Variants in SYT6 observed in about 807,000 individuals in gnomAD.
SYT6 encodes synaptotagmin 6, also known as synaptotagmin-6.
A neutral mutation model predicts 38.4 loss-of-function variants in SYT6; 24 were observed. The observed-to-expected ratio is 0.62, with a 90% CI of 0.45 to 0.88. The LOEUF is 0.88. SYT6 is among the 40% of genes least tolerant of loss of function. The probability of loss-of-function intolerance (pLI) is 0.00; values close to 1 mark genes in which losing one functional copy is unlikely to be tolerated. For synonymous variants in SYT6, 265 were observed against 241.9 expected, an observed-to-expected ratio of 1.10 and a Z score of -0.89; for missense variants, 611 against 621.0, an observed-to-expected ratio of 0.98 and a Z score of 0.17.
intron 3 of SYT6, among the ~76,000 whole-genome samples, chr1:114,109,730 G>A (rs1676558507): frequency 6.6e-6 from 1 of 152,158 alleles, no homozygotes; most frequent in Non-Finnish European, 1.5e-5. Flanking sequence ...GTACTGTTTG[G>A]TTTGGTCGGT....
At chr1:114,114,898 T>A (rs1676904015) in intron 3 of SYT6, among the ~76,000 whole-genome samples, 1 of 152,264 alleles carries the variant, frequency 6.6e-6, no homozygotes, top group South Asian at 2.1e-4. Flanking sequence ...CGAAGCCATG[T>A]GGGCTGCTGG....
At chr1:114,104,701 TAAC>T (rs368239748) in intron 3 of SYT6, among the ~76,000 whole-genome samples, 193 of 152,296 alleles carry the variant, frequency 1.3e-3, no homozygotes, top group African/African-American at 4.6e-3. Flanking sequence ...TTCAGTCAGT[TAAC>T]AACTATTTAT....
chr1:114,146,931 G>A (rs1195921694), intron 1 of SYT6, among the ~76,000 whole-genome samples: 1 of 152,226 alleles, frequency 6.6e-6, no homozygotes, highest in Non-Finnish European at 1.5e-5. Context: ...TGAGGATAGT[G>A]CCTAAGATGT....
intron 4 of SYT6, among the ~76,000 whole-genome samples, chr1:114,102,020 C>T (rs568077528): frequency 2.0e-4 from 30 of 152,240 alleles, no homozygotes; most frequent in Non-Finnish European, 2.5e-4. Flanking sequence ...TTAGCAAGAA[C>T]AAAATCTCAC....
intron 3 of SYT6, among the ~76,000 whole-genome samples, chr1:114,122,323 T>C (rs1370472085): frequency 6.6e-6 from 1 of 152,186 alleles, no homozygotes; most frequent in Non-Finnish European, 1.5e-5. Context: ...GAAATTCTTT[T>C]CCAAACAGAA....
At chr1:114,098,751 C>T (rs993201115) in intron 5 of SYT6, among the ~76,000 whole-genome samples, 2 of 152,134 alleles carry the variant, frequency 1.3e-5, no homozygotes, top group Non-Finnish European at 2.9e-5. Flanking sequence ...ACAGTAGTAG[C>T]AACAGCAGAA....
intron 1 of SYT6, among the ~76,000 whole-genome samples, chr1:114,145,043 C>T (rs1166361940): frequency 1.3e-5 from 2 of 152,060 alleles, no homozygotes; most frequent in Non-Finnish European, 2.9e-5. Flanking sequence ...TGCCAGACAC[C>T]GGGAAAGCTC....
chr1:114,109,972 A>G (rs1676577274), intron 3 of SYT6, among the ~76,000 whole-genome samples: 3 of 152,228 alleles, frequency 2.0e-5, no homozygotes, highest in Non-Finnish European at 4.4e-5. Context: ...TTCGGGGCGC[A>G]TGAGAGGTTC....
At chr1:114,125,332 C>T (rs1010035637) in intron 3 of SYT6, among the ~76,000 whole-genome samples, 3 of 150,728 alleles carry the variant, frequency 2.0e-5, no homozygotes, top group Non-Finnish European at 3.0e-5. Context: ...CTTGCTGTGG[C>T]TCATCCTGTC....
chr1:114,099,653 A>G (rs971944580), intron 4 of SYT6, among the ~76,000 whole-genome samples: 16 of 152,168 alleles, frequency 1.1e-4, no homozygotes, highest in South Asian at 2.1e-4. Context: ...TCTTTTACCT[A>G]TGTGGAGTAC....
chr1:114,113,930 C>CAA (rs761673909), intron 3 of SYT6, among the ~76,000 whole-genome samples: 11 of 152,222 alleles, frequency 7.2e-5, no homozygotes, highest in Non-Finnish European at 1.3e-4. Flanking sequence ...CCTCCACGAA[C>CAA]GGGGCTGACT....
chr1:114,096,448 G>C (rs1045503674), intron 6 of SYT6, among the ~76,000 whole-genome samples: 3 of 152,198 alleles, frequency 2.0e-5, no homozygotes, highest in Admixed American at 2.0e-4. Context: ...GGCAGGAGCT[G>C]CACAGAGCAC....
intron 3 of SYT6, among the ~76,000 whole-genome samples, chr1:114,105,314 C>G (rs956432644): frequency 8.0e-5 from 12 of 150,780 alleles, no homozygotes; most frequent in South Asian, 2.1e-4. Flanking sequence ...CTGTTCCCCC[C>G]CTGGAGAATA....
intron 3 of SYT6, among the ~76,000 whole-genome samples, chr1:114,129,994 T>A (rs916415202): frequency 6.6e-6 from 1 of 152,092 alleles, no homozygotes. Context: ...CTCTTTCCTG[T>A]TCTTTGATCA....
At chr1:114,092,334 CTCTCTGTG>C (rs1247684908) in intron 7 of SYT6, among the ~76,000 whole-genome samples, 64 of 138,492 alleles carry the variant, frequency 4.6e-4, no homozygotes, top group South Asian at 2.3e-3. Context: ...CTCTCTCTCT[CTCTCTGTG>C]TGTGTGTGTG....
chr1:114,134,182 G>A (rs1035889784), intron 3 of SYT6, among the ~76,000 whole-genome samples: 3 of 152,080 alleles, frequency 2.0e-5, no homozygotes, highest in Non-Finnish European at 2.9e-5. Flanking sequence ...CTACCTGATC[G>A]GGCTGGTTAC....
intron 3 of SYT6, among the ~76,000 whole-genome samples, chr1:114,125,067 C>G (rs1167332114): frequency 2.0e-5 from 3 of 152,210 alleles, no homozygotes; most frequent in African/African-American, 7.2e-5. Context: ...TTTTTGCACC[C>G]ATTCCTGATC....
At chr1:114,108,119 G>A (rs141829866) in intron 3 of SYT6, among the ~76,000 whole-genome samples, 246 of 152,314 alleles carry the variant, frequency 1.6e-3, no homozygotes, top group African/African-American at 5.8e-3. Context: ...TGCTGGCAGG[G>A]GAGGGGAAGC....
At chr1:114,150,600 CTGCT>C (rs1316506345) in intron 1 of SYT6, among the ~76,000 whole-genome samples, 1 of 152,204 alleles carries the variant, frequency 6.6e-6, no homozygotes, top group Non-Finnish European at 1.5e-5. Flanking sequence ...TTCTGGACCT[CTGCT>C]TGCTACCTTA....
Sources: allele counts gnomAD v4.1 joint callset (sites outside exome capture counted in the v4.1 genomes callset), GRCh38; gene constraint gnomAD v4.1.1; transcripts MANE v1.5; gene names NCBI Gene and HGNC (gene_info 2026-07-23, HGNC 2026-07-21).